The following NIPBL variants were observed in gnomAD, a reference collection of about 807,000 sequenced individuals.
The protein encoded by NIPBL is nipped-B-like protein.
In NIPBL, 19 loss-of-function variants were observed where a neutral mutation model predicts 321.8. The ratio of observed to expected loss-of-function variants is 0.06; its 90% confidence interval spans 0.04 to 0.09. The LOEUF (loss-of-function observed/expected upper bound fraction) is 0.09. Ranked by LOEUF, NIPBL falls within the 10% of genes least tolerant of loss-of-function variation. The pLI is 1.00. For missense variants in NIPBL, 2,210 were observed against 3,327.0 expected (o/e 0.66, Z 8.26); for synonymous variants, 1,106 against 1,114.1 (o/e 0.99, Z 0.14).
At position 36,985,983 on chromosome 5, in the gene NIPBL, C is replaced by T. The variant is rs768524222; in HGVS notation, c.2803C>T (p.Pro935Ser). ...TAAAGTAGACACTAATAAAGCACACCCTGACAATAAGGCAGAATTTCCAAG... is the reference window on the plus strand; with the variant it reads ...TAAAGTAGACACTAATAAAGCACACTCTGACAATAAGGCAGAATTTCCAAG... ...KSKVDTNKAH[P>S]DNKAEFPSYL... Residue 935 changes from proline to serine, a missense_variant, in exon 10 of 47, where the codon CCT (proline) becomes TCT (serine). Physicochemically the swap from Pro to Ser is moderately conservative, Grantham distance 74. Coordinates refer to ENST00000282516, the MANE Select transcript of NIPBL (RefSeq NM_133433.4). 1.2e-6 allele frequency: 2 copies of T among 1,613,708 alleles called. No individual in the cohort carries two copies. Among genetic ancestry groups the T allele is most frequent in the Non-Finnish European group, 1.7e-6 (2 of 1,179,940 alleles).
chr5:37,033,730 A>ATATTT (rs775482943), intron 32 of NIPBL, among the ~76,000 whole-genome samples: 4 of 21,518 alleles, frequency 1.9e-4, no homozygotes, highest in Non-Finnish European at 3.1e-4. Flanking sequence ...ATATATATAT[A>ATATTT]TTTTTTTTTT....
intron 32 of NIPBL, among the ~76,000 whole-genome samples, chr5:37,035,030 C>T (rs937704014): frequency 6.6e-6 from 1 of 152,212 alleles, no homozygotes; most frequent in Non-Finnish European, 1.5e-5. Context: ...TAGCTCATGC[C>T]TATAATCCCA....
At chr5:36,884,142 TTC>T (rs769680328) in intron 1 of NIPBL, among the ~76,000 whole-genome samples, 102 of 152,262 alleles carry the variant, frequency 6.7e-4, no homozygotes, top group Non-Finnish European at 1.1e-3. Flanking sequence ...TTTTACTATT[TTC>T]TCTTTCCCTT....
intron 42 of NIPBL, among the ~76,000 whole-genome samples, chr5:37,054,912 CAA>C (rs60354049): frequency 7.2e-6 from 1 of 138,062 alleles, no homozygotes; most frequent in Admixed American, 7.2e-5. Context: ...CTGTAGATGG[CAA>C]AAAAAAAAAC....
intron 5 of NIPBL, among the ~76,000 whole-genome samples, 164 bp downstream of exon 5, chr5:36,961,747 G>C (rs1010892876): frequency 6.6e-6 from 1 of 152,104 alleles, no homozygotes; most frequent in Non-Finnish European, 1.5e-5. Flanking sequence ...GTTGTATATG[G>C]AAATAGTCTG....
At chr5:36,887,880 T>C (rs961347833) in intron 1 of NIPBL, among the ~76,000 whole-genome samples, 1 of 152,180 alleles carries the variant, frequency 6.6e-6, no homozygotes, top group East Asian at 1.9e-4. Flanking sequence ...TACTCTGACC[T>C]GTCACCCAAA....
intron 6 of NIPBL, among the ~76,000 whole-genome samples, chr5:36,966,915 G>T (rs1030322428): frequency 6.6e-6 from 1 of 151,810 alleles, no homozygotes; most frequent in African/African-American, 2.4e-5. Flanking sequence ...AGTTGAGAAG[G>T]CATTATTTCT....
At position 36,985,344 on chromosome 5, in the gene NIPBL, C is replaced by T. The variant is rs763732540; in HGVS notation, c.2164C>T (p.Pro722Ser). ...TCCAAAACAAAAGAGTGATGGGCAT[C>T]CTGAAACCCCAAAACAGAAGGGTGA... ...ETPKQKSDGH[P>S]ETPKQKGDGR... The change falls in exon 10 of 47, where the codon CCT becomes TCT. Residue 722 changes from proline to serine, a missense_variant. Physicochemically the swap from Pro to Ser is moderately conservative, Grantham distance 74 (BLOSUM62 -1). This residue lies in a region of NIPBL where 588 missense variants were observed against 564.1 expected (regional missense o/e 1.04). Transcript: ENST00000282516. The T allele has an allele frequency of 9.3e-6, 15 of 1,613,478 alleles. No homozygotes were observed. The highest frequency in any genetic ancestry group is 1.3e-5 in the Non-Finnish European group (15 of 1,179,924).
At position 36,973,451 on chromosome 5, in the gene NIPBL, A is replaced by G. The variant is rs148835544; in HGVS notation, c.868+1410A>G. On this transcript the variant is annotated intron_variant, in intron 8 of 46. Coordinates refer to ENST00000282516, the MANE Select transcript of NIPBL (RefSeq NM_133433.4). ...CCATAGTGATTTGCTGCACCTATCA[A>G]CCCGTCATCTAGGTTTTTTTTCTTT... Among the ~76,000 whole-genome samples the G allele has an allele frequency of 3.5e-3, 525 of 152,006 alleles. 7 individuals carry two copies. The highest frequency in any genetic ancestry group is 0.012 in the African/African-American group (509 of 41,480).
intron 38 of NIPBL, 72 bp from the exon 39 acceptor site, chr5:37,048,422 ATAATTTAT>A (rs1482398483): frequency 1.1e-6 from 1 of 878,532 alleles, no homozygotes; most frequent in African/African-American, 1.8e-5. Context: ...AGCCGTTTAT[ATAATTTAT>A]TAACATATTT....
At chr5:36,878,279 A>G (rs1398616488) in intron 1 of NIPBL, among the ~76,000 whole-genome samples, 1 of 152,204 alleles carries the variant, frequency 6.6e-6, no homozygotes, top group East Asian at 1.9e-4. Context: ...TGACTGTGTA[A>G]TGAGAGAGGT....
intron 8 of NIPBL, among the ~76,000 whole-genome samples, chr5:36,975,289 A>G (rs1385957957): frequency 2.0e-5 from 3 of 152,120 alleles, no homozygotes; most frequent in East Asian, 1.9e-4. Flanking sequence ...TTATCATCCC[A>G]GTAGTATTCA....
At chr5:37,021,109 A>G (rs1048831448) in intron 27 of NIPBL, among the ~76,000 whole-genome samples, 11 of 152,146 alleles carry the variant, frequency 7.2e-5, no homozygotes, top group Non-Finnish European at 2.9e-5. Flanking sequence ...GACCAACCTG[A>G]CCAACATGGT....
At chr5:37,039,458 AT>A (rs1331112785) in intron 34 of NIPBL, among the ~76,000 whole-genome samples, 1 of 152,014 alleles carries the variant, frequency 6.6e-6, no homozygotes, top group Non-Finnish European at 1.5e-5. Flanking sequence ...TATCCATCAA[AT>A]AAAGATTTTA....
At chr5:37,018,090 A>G (rs1012101171) in intron 24 of NIPBL, among the ~76,000 whole-genome samples, 7 of 152,156 alleles carry the variant, frequency 4.6e-5, no homozygotes, top group Non-Finnish European at 1.0e-4. Context: ...GGGAACTAAC[A>G]AGTACATTTC....
chr5:36,897,550 T>A (rs1472449421), intron 1 of NIPBL, among the ~76,000 whole-genome samples: 1 of 152,188 alleles, frequency 6.6e-6, no homozygotes, highest in Non-Finnish European at 1.5e-5. Context: ...CAATCCTGCT[T>A]TGTGACTTAA....
intron 43 of NIPBL, 70 bp from the exon 44 acceptor site, chr5:37,058,821 G>A (rs1384120340): frequency 1.4e-6 from 2 of 1,416,422 alleles, no homozygotes; most frequent in African/African-American, 1.4e-5. Flanking sequence ...TCAAGCTGTT[G>A]AATGGAGCAT....
chr5:36,919,678 G>T (rs1273481623), intron 1 of NIPBL, among the ~76,000 whole-genome samples: 1 of 152,086 alleles, frequency 6.6e-6, no homozygotes, highest in East Asian at 1.9e-4. Context: ...GACTGAGAAA[G>T]AAGATATTTT....
rs1303850038 is a variant in NIPBL at position 37,033,725 on chromosome 5, TA to T, written c.5863-2653del. ...ACACACATATATATATATATATATA[TA>T]TATATTTTTTTTTTTTTTTTTTTTA... On this transcript the variant is annotated intron_variant, in intron 32 of 46. Transcript: ENST00000282516. 8.7e-3 allele frequency among the ~76,000 whole-genome samples: 811 copies of T among 93,078 alleles called. 7 individuals carry two copies. Among genetic ancestry groups the T allele is most frequent in the Non-Finnish European group, 0.011 (512 of 47,440 alleles). The allele number at this position is 93,078 out of a possible 152,430, so 61.1% of individuals were successfully genotyped here. A position where few individuals can be genotyped will look rare whatever the true frequency, so the allele number is the denominator to read the frequency against.
Sources: allele counts gnomAD v4.1 joint callset (sites outside exome capture counted in the v4.1 genomes callset), GRCh38; gene constraint gnomAD v4.1.1; regional missense constraint gnomAD v4.1.1; transcripts MANE v1.5; gene names NCBI Gene and HGNC (gene_info 2026-07-23, HGNC 2026-07-21).